Variants in SLC24A3 observed in about 807,000 individuals in gnomAD.
The protein encoded by SLC24A3 is sodium/potassium/calcium exchanger 3.
SLC24A3 carries 28 observed loss-of-function variants against 75.8 expected under a neutral mutation model. That is an observed-to-expected ratio of 0.37 (90% CI 0.27 to 0.51). The LOEUF (loss-of-function observed/expected upper bound fraction) is 0.51, where lower values mean the gene tolerates loss of function less well. Ranked by LOEUF, SLC24A3 falls within the 20% of genes least tolerant of loss-of-function variation. The probability of loss-of-function intolerance (pLI) is 0.94; values close to 1 mark genes in which losing one functional copy is unlikely to be tolerated. For synonymous variants in SLC24A3, 372 were observed against 334.1 expected (o/e 1.11, Z -1.24); for missense variants, 663 against 847.8 (o/e 0.78, Z 2.71).
intron 2 of SLC24A3, among the ~76,000 whole-genome samples, chr20:19,509,200 C>T (rs1027509719): frequency 6.6e-6 from 1 of 152,212 alleles, no homozygotes; most frequent in Admixed American, 6.5e-5. Flanking sequence ...CGGTGTGGCA[C>T]AGAAGGAGAT....
At chr20:19,604,248 G>A (rs2031566735) in intron 6 of SLC24A3, among the ~76,000 whole-genome samples, 1 of 151,624 alleles carries the variant, frequency 6.6e-6, no homozygotes, top group African/African-American at 2.4e-5. Flanking sequence ...GGGAGTGAGG[G>A]GCTGGCATGA....
intron 1 of SLC24A3, among the ~76,000 whole-genome samples, chr20:19,252,711 A>G (rs1003079912): frequency 4.0e-5 from 6 of 150,304 alleles, no homozygotes; most frequent in African/African-American, 1.5e-4. Context: ...ATTCATTTGT[A>G]TGTGACTTTG....
At chr20:19,370,248 CT>C (rs1985968758) in intron 2 of SLC24A3, among the ~76,000 whole-genome samples, 1 of 152,222 alleles carries the variant, frequency 6.6e-6, no homozygotes, top group Non-Finnish European at 1.5e-5. Flanking sequence ...TGATTCACTA[CT>C]TTCTGCTCAC....
chr20:19,619,682 C>A (rs1174318488), intron 6 of SLC24A3, among the ~76,000 whole-genome samples: 3 of 152,160 alleles, frequency 2.0e-5, no homozygotes, highest in Non-Finnish European at 2.9e-5. Context: ...CAGCTCCTCC[C>A]TTTGGTGCAT....
At chr20:19,686,803 T>G (rs1368782903) in intron 12 of SLC24A3, among the ~76,000 whole-genome samples, 1 of 152,164 alleles carries the variant, frequency 6.6e-6, no homozygotes, top group Non-Finnish European at 1.5e-5. Context: ...TTCATCCAGA[T>G]TCCTATTCCC....
intron 2 of SLC24A3, among the ~76,000 whole-genome samples, chr20:19,383,856 G>A (rs1428701987): frequency 2.0e-5 from 3 of 152,118 alleles, no homozygotes; most frequent in African/African-American, 7.2e-5. Flanking sequence ...ATTCCATCAT[G>A]AGCATGCCAC....
At chr20:19,430,366 C>T (rs1297227817) in intron 2 of SLC24A3, among the ~76,000 whole-genome samples, 1 of 151,786 alleles carries the variant, frequency 6.6e-6, no homozygotes. Flanking sequence ...TCCAGCCCGA[C>T]CAAGGGTCTT....
At chr20:19,515,412 A>T in intron 2 of SLC24A3, 76 bp from the exon 3 acceptor site, 1 of 1,411,016 alleles carries the variant, frequency 7.1e-7, no homozygotes, top group Non-Finnish European at 1.0e-6. Context: ...CCCATGTTAA[A>T]ACCAAGACTC....
At chr20:19,622,666 C>A in intron 6 of SLC24A3, among the ~76,000 whole-genome samples, 1 of 152,080 alleles carries the variant, frequency 6.6e-6, no homozygotes, top group East Asian at 1.9e-4. Flanking sequence ...ATTTTCCAAC[C>A]CTGGAGCATA....
At chr20:19,659,685 G>A (rs1053891625) in intron 7 of SLC24A3, among the ~76,000 whole-genome samples, 3 of 152,094 alleles carry the variant, frequency 2.0e-5, no homozygotes, top group Non-Finnish European at 4.4e-5. Context: ...CCAAGGTCAG[G>A]GACCGGTAAT....
At chr20:19,221,252 C>T (rs1981702290) in intron 1 of SLC24A3, among the ~76,000 whole-genome samples, 1 of 152,168 alleles carries the variant, frequency 6.6e-6, no homozygotes, top group African/African-American at 2.4e-5. Flanking sequence ...TGTGCAGGGA[C>T]ACTAAGTATT....
At chr20:19,277,966 C>A (rs920004304) in intron 1 of SLC24A3, among the ~76,000 whole-genome samples, 11 of 152,208 alleles carry the variant, frequency 7.2e-5, no homozygotes, top group Admixed American at 1.3e-4. Flanking sequence ...GGCCACGCTG[C>A]TGGCCACAGC....
At chr20:19,649,181 C>G (rs1292339554) in intron 6 of SLC24A3, among the ~76,000 whole-genome samples, 2 of 152,212 alleles carry the variant, frequency 1.3e-5, no homozygotes, top group East Asian at 3.8e-4. Flanking sequence ...CCATTTGATG[C>G]AGAGATGCTA....
chr20:19,603,199 C>A (rs1175168147), intron 6 of SLC24A3, among the ~76,000 whole-genome samples: 1 of 152,168 alleles, frequency 6.6e-6, no homozygotes, highest in South Asian at 2.1e-4. Flanking sequence ...TTGGACCTGA[C>A]TCAGGAATTC....
At chr20:19,494,825 T>A (rs142877119) in intron 2 of SLC24A3, among the ~76,000 whole-genome samples, 1 of 152,222 alleles carries the variant, frequency 6.6e-6, no homozygotes, top group Non-Finnish European at 1.5e-5. Flanking sequence ...TTCAAAGGGA[T>A]GCCCCATTCC....
chr20:19,555,570 C>T (rs1340497314), intron 3 of SLC24A3, among the ~76,000 whole-genome samples: 1 of 152,202 alleles, frequency 6.6e-6, no homozygotes, highest in East Asian at 1.9e-4. Context: ...AAGAGATCTG[C>T]TTCTGCTGTA....
chr20:19,641,722 A>G (rs1017729756), intron 6 of SLC24A3, among the ~76,000 whole-genome samples: 7 of 152,218 alleles, frequency 4.6e-5, no homozygotes, highest in Admixed American at 1.3e-4. Flanking sequence ...TGGCTGGGCC[A>G]CAGCACAGCT....
In SLC24A3 at chr20:19,371,561, G is replaced by A. The variant is rs148242661; in HGVS notation, c.271+90474G>A. Among the ~76,000 whole-genome samples the A allele has an allele frequency of 3.6e-3, 552 of 152,246 alleles. 7 individuals are homozygous for A. Among genetic ancestry groups the A allele is most frequent in the African/African-American group, 0.012 (519 of 41,534 alleles). On this transcript the variant is annotated intron_variant, in intron 2 of 16. Transcript: ENST00000328041. ...GCTAGTTCCTGAAAAAGGGATTTGG[G>A]TCCCCCAGGTTCCTACCATTGGTAA...
At chr20:19,224,399 C>T (rs975940399) in intron 1 of SLC24A3, among the ~76,000 whole-genome samples, 2 of 152,108 alleles carry the variant, frequency 1.3e-5, no homozygotes, top group African/African-American at 4.8e-5. Flanking sequence ...GGATTTCTTG[C>T]AATTTGGGGC....
Sources: gnomAD v4.1 joint callset for allele counts (sites outside exome capture counted in the v4.1 genomes callset) on GRCh38, gnomAD v4.1.1 for gene constraint, MANE v1.5 for transcripts, NCBI Gene and HGNC (gene_info 2026-07-23, HGNC 2026-07-21) for gene names.